MTA1: variants seen among roughly 807,000 people sequenced by gnomAD.
The protein encoded by MTA1 is metastasis-associated protein MTA1.
In MTA1, 15 loss-of-function variants were observed where a neutral mutation model predicts 97.0. The ratio of observed to expected loss-of-function variants is 0.15; its 90% confidence interval spans 0.10 to 0.24. MTA1 has a LOEUF of 0.24. Ranked by LOEUF, MTA1 falls within the 10% of genes least tolerant of loss-of-function variation. The probability of loss-of-function intolerance (pLI) is 1.00; values close to 1 mark genes in which losing one functional copy is unlikely to be tolerated. For synonymous variants in MTA1, 435 were observed against 417.5 expected (o/e 1.04, Z -0.51); for missense variants, 709 against 1,015.1 (o/e 0.70, Z 4.10).
chr14:105,466,830 C>T, intron 18 of MTA1, 88 bp downstream of exon 18: 2 of 1,400,722 alleles, frequency 1.4e-6, no homozygotes, highest in African/African-American at 1.5e-5. Context: ...GGCGGGCGGC[C>T]CAGGGCCCAT....
In MTA1 at chr14:105,470,170, G is replaced by T. The variant is rs782568285; in HGVS notation, c.2103G>T (p.Pro701=). 3 of 1,608,834 alleles carry T rather than the reference G, an allele frequency of 1.9e-6. No homozygotes were observed. The highest frequency in any genetic ancestry group is 2.5e-6 in the Non-Finnish European group (3 of 1,178,186). Residue 701 remains proline, a synonymous_variant, in exon 21 of 21, where the codon CCG becomes CCT. Transcript: ENST00000331320. ...GCCAGGCCCTGCCGCCGCGGCCACC[G>T]CCACCTGCGCCCGTCAACGACGAGC... ...RQSQALPPRP[P]PPAPVNDEPI...
chr14:105,428,137 C>T (rs2082067329), intron 1 of MTA1, among the ~76,000 whole-genome samples: 2 of 151,950 alleles, frequency 1.3e-5, no homozygotes, highest in Non-Finnish European at 2.9e-5. Flanking sequence ...GCAGCTCTTC[C>T]ACACCTGACA....
At chr14:105,436,354 A>G (rs2082323979) in intron 1 of MTA1, among the ~76,000 whole-genome samples, 1 of 151,958 alleles carries the variant, frequency 6.6e-6, no homozygotes, top group Non-Finnish European at 1.5e-5. Context: ...TTACTCTATC[A>G]TTTCCTGCCT....
At chr14:105,434,712 G>C (rs1555424059) in intron 1 of MTA1, among the ~76,000 whole-genome samples, 2 of 152,126 alleles carry the variant, frequency 1.3e-5, no homozygotes, top group African/African-American at 4.8e-5. Context: ...TATTGGTCAG[G>C]CTGGTCTTGA....
chr14:105,465,458 C>G (rs1555432516), intron 16 of MTA1: 2 of 304,250 alleles, frequency 6.6e-6, no homozygotes, highest in Non-Finnish European at 6.0e-6. Flanking sequence ...CAAGGCACAC[C>G]CGGGGGCTTC....
At chr14:105,452,614 G>A (rs587645853) in intron 6 of MTA1, among the ~76,000 whole-genome samples, 26 of 152,268 alleles carry the variant, frequency 1.7e-4, no homozygotes, top group Non-Finnish European at 2.1e-4. Flanking sequence ...GTCAAGAGGC[G>A]GAGGCTTCAC....
Position 105,469,934 on chromosome 14 carries a change from C to A in MTA1, c.1939C>A (p.Arg647=). The change falls in exon 20 of 21, where the codon CGG becomes AGG. Residue 647 remains arginine (R), a synonymous_variant. Transcript: ENST00000331320. ...CTCCCTGCCCCCAGTCAAGCGGCGG[C>A]GGATGAACTGGATCGACGCCCCGGA... ...GGSLPPVKRR[R]MNWIDAPDDV... 2 of 1,612,234 alleles carry A rather than the reference C, an allele frequency of 1.2e-6. No homozygotes were observed. Among genetic ancestry groups the A allele is most frequent in the East Asian group, 2.2e-5 (1 of 44,870 alleles).
intron 16 of MTA1, chr14:105,466,165 C>G: frequency 1.8e-6 from 1 of 548,224 alleles, no homozygotes; most frequent in South Asian, 2.1e-5. Context: ...GGGCCTGGCC[C>G]CCGCCAGGTG....
At chr14:105,448,758 G>A (rs1555427853) in intron 3 of MTA1, among the ~76,000 whole-genome samples, 3 of 152,254 alleles carry the variant, frequency 2.0e-5, no homozygotes, top group Non-Finnish European at 2.9e-5. Context: ...AGCTGTTGGC[G>A]CCTGGGAGGG....
intron 19 of MTA1, 126 bp downstream of exon 19, chr14:105,469,624 G>A: frequency 7.8e-7 from 1 of 1,281,340 alleles, no homozygotes; most frequent in South Asian, 1.3e-5. Context: ...GGCAAGACCA[G>A]AGGGGCTGCA....
chr14:105,449,892 G>A (rs1377828151), intron 4 of MTA1, among the ~76,000 whole-genome samples, 166 bp from the exon 5 acceptor site: 12 of 152,180 alleles, frequency 7.9e-5, no homozygotes, highest in Admixed American at 4.6e-4. Context: ...AGGAGCCGCC[G>A]GGCCGCCATA....
Position 105,464,421 on chromosome 14 carries a change from C to G in MTA1, c.1198C>G (p.Gln400Glu). ...GRACESCYTTQSYQWYSWGPP... is the reference protein window; with the variant it reads ...GRACESCYTTESYQWYSWGPP... ...TCCAACTTTGTTGTCCGTAGCCACA[C>G]AGTCTTACCAGTGGTATTCTTGGGG... Residue 400 changes from glutamine (Q) to glutamate (E), a missense_variant, in exon 14 of 21, where the codon CAG becomes GAG. Physicochemically the swap from Gln to Glu is conservative, Grantham distance 29. Transcript: ENST00000331320. 6.2e-7 allele frequency: 1 copy of G among 1,613,196 alleles called. No homozygotes were observed. The highest frequency in any genetic ancestry group is 8.5e-7 in the Non-Finnish European group (1 of 1,179,632).
intron 18 of MTA1, chr14:105,467,668 C>G (rs1373877879): frequency 5.5e-6 from 2 of 362,210 alleles, no homozygotes; most frequent in African/African-American, 4.3e-5. Context: ...AGCCCCAGCC[C>G]TCCTTTCCTG....
In MTA1 at chr14:105,420,645, A is replaced by T. The variant is rs587717234; in HGVS notation, c.28+582A>T. Reference sequence around the variant, plus strand: ...CCCGAGCACGCCTCTAAGTCCCCCCAAACTTTTCCCTGCCTCTCGCTCACC... The same window carrying T: ...CCCGAGCACGCCTCTAAGTCCCCCCTAACTTTTCCCTGCCTCTCGCTCACC... On this transcript the variant is annotated intron_variant, in intron 1 of 20. Transcript: ENST00000331320. The surrounding 1 kb of genome is among the most constrained non-coding windows in gnomAD (Gnocchi z 5.3). 6.6e-5 allele frequency among the ~76,000 whole-genome samples: 10 copies of T among 152,248 alleles called. No homozygotes were observed. The East Asian group carries it at 1.9e-3, about 29-fold the overall frequency.
chr14:105,454,375 G>C, intron 7 of MTA1, 65 bp downstream of exon 7: 1 of 1,149,586 alleles, frequency 8.7e-7, no homozygotes, highest in Non-Finnish European at 1.3e-6. Context: ...TGACACACTG[G>C]GTGAGAGGAG....
intron 2 of MTA1, 148 bp downstream of exon 2, chr14:105,438,887 T>C (rs1217433216): frequency 9.2e-6 from 7 of 763,938 alleles, no homozygotes; most frequent in Non-Finnish European, 1.5e-5. Flanking sequence ...CTCCGTCCAC[T>C]GTCACCTGCA....
In MTA1 at chr14:105,470,365, G is replaced by A. The variant is rs2141733075; in HGVS notation, c.*150G>A. 1.6e-6 allele frequency: 1 copy of A among 619,548 alleles called. No individual in the cohort carries two copies. The highest frequency in any genetic ancestry group is 2.5e-6 in the Non-Finnish European group (1 of 398,642). The allele number at this position is 619,548 out of a possible 1,614,324, so 38.4% of individuals were successfully genotyped here. The stretch of plus-strand genomic sequence containing the variant: ...GCGCTCCTTGGCGGACACTGGGGGA[G>A]GAGAGGAAGAAGCGCGGCTAACTTA... On this transcript the variant is annotated 3_prime_UTR_variant, in exon 21 of 21. Transcript: ENST00000331320.
At chr14:105,440,728 C>A (rs587678247) in intron 2 of MTA1, among the ~76,000 whole-genome samples, 1 of 152,394 alleles carries the variant, frequency 6.6e-6, no homozygotes, top group East Asian at 1.9e-4. Flanking sequence ...CACGACTACT[C>A]TCTTGGACTG....
chr14:105,465,263 C>G, intron 16 of MTA1, 80 bp downstream of exon 16: 1 of 1,264,670 alleles, frequency 7.9e-7, no homozygotes, highest in African/African-American at 1.5e-5. Context: ...CTGGTGCTCC[C>G]AGCCTTCTCT....
Sources: gnomAD v4.1 joint callset for allele counts (sites outside exome capture counted in the v4.1 genomes callset) on GRCh38, gnomAD v4.1.1 for gene constraint, Gnocchi (gnomAD v3.1) non-coding constraint, MANE v1.5 for transcripts, NCBI Gene and HGNC (gene_info 2026-07-23, HGNC 2026-07-21) for gene names.